TBC1D5: variants seen among roughly 807,000 people sequenced by gnomAD.
The protein encoded by TBC1D5 is TBC1 domain family, member 5.
TBC1D5 carries 75 observed loss-of-function variants against 100.3 expected under a neutral mutation model. The ratio of observed to expected loss-of-function variants is 0.75; its 90% CI spans 0.62 to 0.91. The LOEUF is 0.91. Ranked by LOEUF, TBC1D5 falls within the 40% of genes least tolerant of loss-of-function variation. The probability of loss-of-function intolerance (pLI) is 0.00; values close to 1 mark genes in which losing one functional copy is unlikely to be tolerated. For missense variants in TBC1D5, 910 were observed against 942.4 expected (o/e 0.97, Z 0.45); for synonymous variants, 323 against 325.6 (o/e 0.99, Z 0.09).
At chr3:17,423,500 T>C (rs2094265893) in intron 4 of TBC1D5, among the ~76,000 whole-genome samples, 1 of 152,134 alleles carries the variant, frequency 6.6e-6, no homozygotes. Flanking sequence ...ACTAAATTAT[T>C]ATAATCTTCA....
At position 17,616,104 on chromosome 3, in the gene TBC1D5, T is replaced by C. The variant is rs549069772; in HGVS notation, c.-36+7745A>G. Among the ~76,000 whole-genome samples, 12 of 152,342 alleles carry C rather than the reference T, an allele frequency of 7.9e-5. No individual in the cohort carries two copies. The South Asian group carries it at 2.1e-3, about 26-fold the overall frequency. On this transcript the variant is annotated intron_variant, in intron 2 of 21. Coordinates refer to ENST00000253692, the Ensembl canonical transcript of TBC1D5. Reference sequence around the variant, plus strand: ...TACGTTGTGTCTTTGTTCTCATTGGTTTCAAAGAACATCTTTATTTCTGCC... The same window carrying C: ...TACGTTGTGTCTTTGTTCTCATTGGCTTCAAAGAACATCTTTATTTCTGCC...
At chr3:17,349,372 C>T (rs1194214495) in intron 13 of TBC1D5, among the ~76,000 whole-genome samples, 1 of 152,154 alleles carries the variant, frequency 6.6e-6, no homozygotes, top group Non-Finnish European at 1.5e-5. Flanking sequence ...TCTGGGATGA[C>T]ACTTGAGAAT....
chr3:17,408,139 G>T (rs1293095563), intron 4 of TBC1D5, among the ~76,000 whole-genome samples: 1 of 152,010 alleles, frequency 6.6e-6, no homozygotes, highest in Non-Finnish European at 1.5e-5. Context: ...AGATGTGCAA[G>T]CATGGGCAAA....
intron 13 of TBC1D5, among the ~76,000 whole-genome samples, chr3:17,348,093 T>C (rs1357399058): frequency 6.6e-6 from 1 of 152,198 alleles, no homozygotes; most frequent in Non-Finnish European, 1.5e-5. Context: ...AAGAGACAAG[T>C]AAAATTTAAA....
chr3:17,357,157 G>A (rs1018089342), intron 13 of TBC1D5, among the ~76,000 whole-genome samples: 1 of 152,138 alleles, frequency 6.6e-6, no homozygotes, highest in Non-Finnish European at 1.5e-5. Flanking sequence ...TGCAGTAAGG[G>A]CCAAGTGAAG....
intron 13 of TBC1D5, among the ~76,000 whole-genome samples, chr3:17,330,789 A>G (rs1324553887): frequency 1.3e-5 from 2 of 152,146 alleles, no homozygotes; most frequent in Non-Finnish European, 1.5e-5. Context: ...CAAGCAGTTG[A>G]CACTCAAAAT....
At chr3:17,481,103 T>C (rs2095496399) in intron 3 of TBC1D5, among the ~76,000 whole-genome samples, 1 of 152,164 alleles carries the variant, frequency 6.6e-6, no homozygotes, top group African/African-American at 2.4e-5. Flanking sequence ...TCTCCAAGCT[T>C]CCGGGTGCCA....
chr3:17,411,279 T>C (rs1033468017), intron 4 of TBC1D5, among the ~76,000 whole-genome samples: 1 of 152,130 alleles, frequency 6.6e-6, no homozygotes, highest in Non-Finnish European at 1.5e-5. Flanking sequence ...GCATACTTAA[T>C]AGATGACAGT....
chr3:17,488,180 C>T (rs1054110404), intron 3 of TBC1D5, among the ~76,000 whole-genome samples: 4 of 152,028 alleles, frequency 2.6e-5, no homozygotes, highest in African/African-American at 9.7e-5. Context: ...ATGTTTTTAC[C>T]GTCTCCTTAG....
At chr3:17,725,745 T>C (rs538366496) in intron 1 of TBC1D5, among the ~76,000 whole-genome samples, 1 of 152,306 alleles carries the variant, frequency 6.6e-6, no homozygotes, top group Admixed American at 6.5e-5. Context: ...GGGGTACATG[T>C]GCATGTTTGT....
chr3:17,214,204 TAC>T lies in TBC1D5; in HGVS notation c.1752+1_1752+2del. ...GAAGAGAAAACTGTCCTTAAATACT[TAC>T]AGATTCTTTTCTGCCCATAGTTTTG... On this transcript the variant is annotated splice_donor_variant, in intron 18 of 21. Coordinates refer to ENST00000253692, the Ensembl canonical transcript of TBC1D5. LOFTEE classifies it high-confidence loss of function. The T allele has an allele frequency of 1.9e-6, 3 of 1,608,592 alleles. No individual in the cohort carries two copies. Among genetic ancestry groups the T allele is most frequent in the Non-Finnish European group, 2.5e-6 (3 of 1,177,956 alleles).
intron 2 of TBC1D5, among the ~76,000 whole-genome samples, chr3:17,516,955 T>A (rs1474674063): frequency 6.6e-6 from 1 of 152,108 alleles, no homozygotes; most frequent in Non-Finnish European, 1.5e-5. Flanking sequence ...CACATCCCCA[T>A]CTCCTCTTCT....
chr3:17,452,937 T>C (rs1039524339), intron 3 of TBC1D5, among the ~76,000 whole-genome samples: 3 of 149,858 alleles, frequency 2.0e-5, no homozygotes, highest in East Asian at 1.9e-4. Context: ...CTTAAAACAT[T>C]AAAAAAAAAT....
At chr3:17,660,234 C>A (rs900002338) in intron 1 of TBC1D5, among the ~76,000 whole-genome samples, 1 of 151,982 alleles carries the variant, frequency 6.6e-6, no homozygotes, top group Non-Finnish European at 1.5e-5. Context: ...AATAAAAATG[C>A]AAAAAGAGAA....
intron 1 of TBC1D5, among the ~76,000 whole-genome samples, chr3:17,738,559 T>C (rs11922861): frequency 6.6e-6 from 1 of 152,180 alleles, no homozygotes; most frequent in Non-Finnish European, 1.5e-5. Context: ...TTATTATTAA[T>C]AGCTGAAAAT....
intron 18 of TBC1D5, among the ~76,000 whole-genome samples, chr3:17,185,696 TAAAAATAAAAA>T (rs1457383699): frequency 8.2e-6 from 1 of 122,180 alleles, no homozygotes; most frequent in East Asian, 1.9e-4. Context: ...CTAGACTTTG[TAAAAATAAAAA>T]AAAAATAAAA....
chr3:17,296,104 A>C (rs900543347), intron 14 of TBC1D5, among the ~76,000 whole-genome samples: 10 of 152,230 alleles, frequency 6.6e-5, no homozygotes, highest in Non-Finnish European at 1.3e-4. Context: ...CCTCAGTGTC[A>C]AAGGCCAAGA....
At chr3:17,370,905 T>G (rs896753081) in intron 13 of TBC1D5, among the ~76,000 whole-genome samples, 2 of 152,176 alleles carry the variant, frequency 1.3e-5, no homozygotes, top group African/African-American at 4.8e-5. Flanking sequence ...AGAGTCAAGC[T>G]TTACATAAAG....
At chr3:17,375,374 C>T (rs2092665597) in intron 10 of TBC1D5, among the ~76,000 whole-genome samples, 1 of 151,944 alleles carries the variant, frequency 6.6e-6, no homozygotes, top group African/African-American at 2.4e-5. Context: ...CAAGACCATC[C>T]TGGCCAACAT....
Sources: allele counts gnomAD v4.1 joint callset (sites outside exome capture counted in the v4.1 genomes callset), GRCh38; gene constraint gnomAD v4.1.1; transcripts MANE v1.5; gene names NCBI Gene and HGNC (gene_info 2026-07-23, HGNC 2026-07-21).